Variants in ATRNL1 observed in about 807,000 individuals in gnomAD.
ATRNL1 encodes attractin like 1.
In ATRNL1, 95 loss-of-function variants were observed where a neutral mutation model predicts 182.7. The observed-to-expected ratio is 0.52, with a 90% CI of 0.44 to 0.62. ATRNL1 has a LOEUF of 0.62. Ranked by LOEUF, ATRNL1 falls within the 20% of genes least tolerant of loss-of-function variation. The pLI, the probability that ATRNL1 is intolerant of heterozygous loss-of-function variation, is 0.00. For synonymous variants in ATRNL1, 576 were observed against 568.3 expected, an observed-to-expected ratio of 1.01 and a Z score of -0.19; for missense variants, 1,471 against 1,679.5, an observed-to-expected ratio of 0.88 and a Z score of 2.17.
intron 19 of ATRNL1, among the ~76,000 whole-genome samples, chr10:115,357,146 GT>G (rs1554943050): frequency 6.6e-6 from 1 of 151,824 alleles, no homozygotes; most frequent in Non-Finnish European, 1.5e-5. Context: ...AATAAAAATG[GT>G]TCTTATGCCA....
At chr10:115,264,685 A>G (rs1851533514) in intron 10 of ATRNL1, among the ~76,000 whole-genome samples, 1 of 151,448 alleles carries the variant, frequency 6.6e-6, no homozygotes, top group South Asian at 2.1e-4. Context: ...TCCCTTCTAT[A>G]TAAAAAAGCT....
intron 9 of ATRNL1, among the ~76,000 whole-genome samples, chr10:115,237,194 A>C (rs142732013): frequency 2.0e-5 from 3 of 152,308 alleles, no homozygotes; most frequent in Admixed American, 2.0e-4. Flanking sequence ...TTATGAATAA[A>C]GCTGCTATAA....
chr10:115,359,642 A>G (rs1362627175), intron 19 of ATRNL1, among the ~76,000 whole-genome samples: 3 of 151,510 alleles, frequency 2.0e-5, no homozygotes, highest in African/African-American at 4.8e-5. Context: ...GCAATATTTT[A>G]TATATAAATT....
intron 25 of ATRNL1, among the ~76,000 whole-genome samples, chr10:115,539,443 C>T (rs1852226139): frequency 6.6e-6 from 1 of 152,170 alleles, no homozygotes; most frequent in Non-Finnish European, 1.5e-5. Flanking sequence ...GCAGGCAGAG[C>T]AGAGAAGAAC....
chr10:115,809,157 A>G (rs1429176626), intron 27 of ATRNL1, among the ~76,000 whole-genome samples: 3 of 152,048 alleles, frequency 2.0e-5, no homozygotes, highest in Non-Finnish European at 2.9e-5. Flanking sequence ...GTATGATTCT[A>G]TTTGTTGACT....
At chr10:115,190,192 C>A (rs554041323) in intron 8 of ATRNL1, among the ~76,000 whole-genome samples, 1 of 152,068 alleles carries the variant, frequency 6.6e-6, no homozygotes, top group African/African-American at 2.4e-5. Flanking sequence ...AAGGAACACA[C>A]GACTTTATCA....
chr10:115,142,621 T>C (rs1450989757), intron 5 of ATRNL1, among the ~76,000 whole-genome samples: 1 of 152,186 alleles, frequency 6.6e-6, no homozygotes, highest in African/African-American at 2.4e-5. Context: ...AGAAGATTAG[T>C]ATTATGTGGC....
At chr10:115,856,590 G>A (rs562107369) in intron 28 of ATRNL1, among the ~76,000 whole-genome samples, 255 of 152,122 alleles carry the variant, frequency 1.7e-3, no homozygotes, top group African/African-American at 5.8e-3. Flanking sequence ...CAGACCTGGG[G>A]GTCAGTGGCA....
intron 24 of ATRNL1, among the ~76,000 whole-genome samples, chr10:115,500,833 G>A (rs1487997368): frequency 7.3e-5 from 11 of 151,196 alleles, no homozygotes; most frequent in Non-Finnish European, 1.5e-5. Context: ...GAACCACCAC[G>A]CCTGGCCCAA....
intron 25 of ATRNL1, among the ~76,000 whole-genome samples, chr10:115,538,294 A>G (rs1400402664): frequency 3.3e-5 from 5 of 152,210 alleles, no homozygotes; most frequent in Non-Finnish European, 7.3e-5. Flanking sequence ...GAGTGACTGT[A>G]CAATTCTGTG....
intron 26 of ATRNL1, among the ~76,000 whole-genome samples, chr10:115,618,098 G>A (rs1029546389): frequency 2.6e-5 from 4 of 152,172 alleles, no homozygotes; most frequent in African/African-American, 2.4e-5. Context: ...TTGAAGCTGA[G>A]CAGATGTTGT....
intron 2 of ATRNL1, among the ~76,000 whole-genome samples, chr10:115,121,059 C>T (rs1339676631): frequency 6.6e-6 from 1 of 152,058 alleles, no homozygotes; most frequent in Non-Finnish European, 1.5e-5. Flanking sequence ...GTGTACAGTT[C>T]CATAAGGTTT....
intron 26 of ATRNL1, among the ~76,000 whole-genome samples, chr10:115,614,141 T>C (rs2133785624): frequency 6.6e-6 from 1 of 152,238 alleles, no homozygotes; most frequent in African/African-American, 2.4e-5. Flanking sequence ...ATCTTTCTAC[T>C]TTTATGATGT....
intron 27 of ATRNL1, among the ~76,000 whole-genome samples, chr10:115,774,786 AT>A (rs34894095): frequency 1.3e-5 from 2 of 149,952 alleles, no homozygotes; most frequent in Admixed American, 6.7e-5. Context: ...ATTTTGTCTT[AT>A]TTTTTTTTCA....
At chr10:115,129,047 C>T (rs782544224) in intron 4 of ATRNL1, among the ~76,000 whole-genome samples, 18 of 152,000 alleles carry the variant, frequency 1.2e-4, no homozygotes, top group Non-Finnish European at 1.9e-4. Context: ...TGCCTGGAAC[C>T]GTACAGATCC....
intron 21 of ATRNL1, among the ~76,000 whole-genome samples, chr10:115,431,244 A>G (rs1554963872): frequency 6.6e-6 from 1 of 152,046 alleles, no homozygotes; most frequent in Non-Finnish European, 1.5e-5. Context: ...CGTCTCTACT[A>G]AAAATACAAA....
chr10:115,442,747 T>A (rs1846758936), intron 21 of ATRNL1, among the ~76,000 whole-genome samples: 1 of 152,106 alleles, frequency 6.6e-6, no homozygotes, highest in Non-Finnish European at 1.5e-5. Context: ...AATGTCTTGT[T>A]TATTTGTGTG....
chr10:115,875,053 G>T (rs538447122), intron 28 of ATRNL1, among the ~76,000 whole-genome samples: 1 of 152,294 alleles, frequency 6.6e-6, no homozygotes, highest in East Asian at 1.9e-4. Flanking sequence ...AGCAGAAAAA[G>T]AGAGTCTCTG....
chr10:115,620,741 C>T (rs1465699078), intron 26 of ATRNL1, among the ~76,000 whole-genome samples: 1 of 152,090 alleles, frequency 6.6e-6, no homozygotes, highest in African/African-American at 2.4e-5. Context: ...GTATTTCTGA[C>T]CAATTATGCT....
Sources: allele counts gnomAD v4.1 joint callset (sites outside exome capture counted in the v4.1 genomes callset), GRCh38; gene constraint gnomAD v4.1.1; transcripts MANE v1.5; gene names NCBI Gene and HGNC (gene_info 2026-07-23, HGNC 2026-07-21).